MED13L: variants seen among roughly 807,000 people sequenced by gnomAD.
MED13L encodes mediator complex subunit 13L.
A neutral mutation model predicts 220.9 loss-of-function variants in MED13L; 7 were observed. The observed-to-expected ratio is 0.03, with a 90% CI of 0.02 to 0.06. MED13L has a LOEUF of 0.06. Ranked by LOEUF, MED13L falls within the 10% of genes least tolerant of loss-of-function variation. The probability of loss-of-function intolerance (pLI) is 1.00; values close to 1 mark genes in which losing one functional copy is unlikely to be tolerated. For synonymous variants in MED13L, 1,011 were observed against 1,015.2 expected (o/e 1.00, Z 0.08); for missense variants, 1,965 against 2,760.5 (o/e 0.71, Z 6.46).
intron 4 of MED13L, among the ~76,000 whole-genome samples, chr12:116,038,388 CCCTG>C (rs1168282390): frequency 2.0e-5 from 3 of 152,082 alleles, no homozygotes; most frequent in African/African-American, 4.8e-5. Context: ...TCTATTGACT[CCCTG>C]CCTAACTCCA....
At chr12:116,109,856 A>T (rs1873924496) in intron 3 of MED13L, among the ~76,000 whole-genome samples, 2 of 152,198 alleles carry the variant, frequency 1.3e-5, no homozygotes, top group Non-Finnish European at 2.9e-5. Flanking sequence ...GATTTGGAGG[A>T]ACACTCAGAG....
intron 1 of MED13L, among the ~76,000 whole-genome samples, chr12:116,270,345 T>C (rs960508399): frequency 3.9e-5 from 6 of 152,028 alleles, no homozygotes; most frequent in African/African-American, 1.5e-4. Context: ...GGTTTCACCA[T>C]GTTGGCCAGG....
chr12:116,120,963 A>G (rs1875045621), intron 2 of MED13L, among the ~76,000 whole-genome samples: 1 of 152,152 alleles, frequency 6.6e-6, no homozygotes, highest in African/African-American at 2.4e-5. Flanking sequence ...GGAATTTCTA[A>G]ATTAAAACAT....
chr12:116,276,931 GC>G lies in MED13L; in HGVS notation c.72+128del, dbSNP rs1239138786. On this transcript the variant is annotated intron_variant, in intron 1 of 30. Coordinates refer to ENST00000281928, the MANE Select transcript of MED13L (RefSeq NM_015335.5). ...CCAAAAGGGGGAGAATCGGCGAGAGGCGAACGGCGGGGAGACGCGAGGGAGG... is the reference window on the plus strand; with the variant it reads ...CCAAAAGGGGGAGAATCGGCGAGAGGGAACGGCGGGGAGACGCGAGGGAGG... 6.4e-6 allele frequency: 7 copies of G among 1,092,024 alleles called. No individual in the cohort carries two copies. The African/African-American group carries it at 7.9e-5, about 12-fold the overall frequency. The allele number at this position is 1,092,024 out of a possible 1,614,324, so 67.6% of individuals were successfully genotyped here.
intron 4 of MED13L, among the ~76,000 whole-genome samples, chr12:116,040,383 T>C (rs959612078): frequency 2.0e-5 from 3 of 152,228 alleles, no homozygotes; most frequent in African/African-American, 7.2e-5. Flanking sequence ...TCCTAATTAG[T>C]AATCACAACT....
chr12:116,237,747 T>A (rs779461762), intron 1 of MED13L, 42 bp from the exon 2 acceptor site: 2 of 1,537,000 alleles, frequency 1.3e-6, no homozygotes, highest in Non-Finnish European at 1.8e-6. Flanking sequence ...CTCATTTTAC[T>A]TACAGACCAC....
At chr12:116,136,054 C>T (rs965687218) in intron 2 of MED13L, among the ~76,000 whole-genome samples, 3 of 152,140 alleles carry the variant, frequency 2.0e-5, no homozygotes, top group African/African-American at 4.8e-5. Context: ...AGGCACCCGC[C>T]ACCATGCCCG....
intron 4 of MED13L, among the ~76,000 whole-genome samples, chr12:116,062,018 A>G (rs1869538004): frequency 6.6e-6 from 1 of 151,982 alleles, no homozygotes; most frequent in Admixed American, 6.6e-5. Flanking sequence ...GAAAAAAAAA[A>G]AAAAAAAAGG....
chr12:116,058,745 A>G (rs1230672831), intron 4 of MED13L, among the ~76,000 whole-genome samples: 2 of 152,220 alleles, frequency 1.3e-5, no homozygotes, highest in East Asian at 1.9e-4. Context: ...TAAAACAACA[A>G]CAGCATAGTA....
intron 4 of MED13L, among the ~76,000 whole-genome samples, chr12:116,077,597 A>C (rs1222640060): frequency 6.6e-6 from 1 of 152,226 alleles, no homozygotes; most frequent in Non-Finnish European, 1.5e-5. Context: ...GAAAGGGAAT[A>C]TATACATATG....
chr12:115,966,940 G>C (rs1334556916), intron 28 of MED13L, among the ~76,000 whole-genome samples: 1 of 152,092 alleles, frequency 6.6e-6, no homozygotes, highest in Non-Finnish European at 1.5e-5. Context: ...GTGAGGCTGA[G>C]GCGGACAGAT....
At chr12:116,256,573 AAAGT>A (rs1411233540) in intron 1 of MED13L, among the ~76,000 whole-genome samples, 2 of 152,218 alleles carry the variant, frequency 1.3e-5, no homozygotes, top group Non-Finnish European at 2.9e-5. Context: ...CCGTACACTT[AAAGT>A]GAGTATATTT....
At chr12:116,087,454 G>T (rs1041872942) in intron 4 of MED13L, among the ~76,000 whole-genome samples, 1 of 152,030 alleles carries the variant, frequency 6.6e-6, no homozygotes, top group Non-Finnish European at 1.5e-5. Context: ...TATTCTTGTC[G>T]AAAGAGAAAT....
chr12:116,054,713 G>C (rs1868801700), intron 4 of MED13L, among the ~76,000 whole-genome samples: 1 of 152,182 alleles, frequency 6.6e-6, no homozygotes, highest in African/African-American at 2.4e-5. Context: ...ACAATTCCAA[G>C]TGCGGACAGG....
chr12:116,201,617 G>A (rs751618656), intron 2 of MED13L, among the ~76,000 whole-genome samples: 71 of 152,254 alleles, frequency 4.7e-4, no homozygotes, highest in Non-Finnish European at 9.1e-4. Context: ...CATCAAGGAG[G>A]CAGGAGGCTT....
At chr12:115,996,300 C>T (rs1878400569) in intron 16 of MED13L, among the ~76,000 whole-genome samples, 176 bp downstream of exon 16, 1 of 152,108 alleles carries the variant, frequency 6.6e-6, no homozygotes, top group South Asian at 2.1e-4. Context: ...CCATGTTGGC[C>T]AGGCTGGTCT....
At chr12:115,994,738 G>A (rs1479729757) in intron 16 of MED13L, among the ~76,000 whole-genome samples, 3 of 152,116 alleles carry the variant, frequency 2.0e-5, no homozygotes, top group Non-Finnish European at 4.4e-5. Context: ...CCCCTTATGC[G>A]CCAAGGTGTT....
intron 17 of MED13L, among the ~76,000 whole-genome samples, chr12:115,988,750 C>T (rs1329142932): frequency 6.6e-6 from 1 of 152,134 alleles, no homozygotes; most frequent in Non-Finnish European, 1.5e-5. Context: ...AAATTTGAAA[C>T]CCAGACCTCC....
rs1876507087 is a variant in MED13L at position 115,970,516 on chromosome 12, T to C, written c.6067+78A>G. 14 of 1,478,060 alleles carry C rather than the reference T, an allele frequency of 9.5e-6. No homozygotes were observed. In the South Asian group the frequency reaches 1.1e-4, roughly 12 times the overall value. The allele number at this position is 1,478,060 out of a possible 1,614,324, so 91.6% of individuals were successfully genotyped here. On this transcript the variant is annotated intron_variant, in intron 27 of 30. Coordinates refer to ENST00000281928, the MANE Select transcript of MED13L (RefSeq NM_015335.5). ...TGTTTATTACAACACAGAAAAGCCA[T>C]GCGGCAGCCCAGTGATTCCATACTC...
Sources: allele counts gnomAD v4.1 joint callset (sites outside exome capture counted in the v4.1 genomes callset), GRCh38; gene constraint gnomAD v4.1.1; transcripts MANE v1.5; gene names NCBI Gene and HGNC (gene_info 2026-07-23, HGNC 2026-07-21).